The following RAB3C variants were observed in gnomAD, a reference collection of about 807,000 sequenced individuals.
RAB3C encodes the protein RAB3C, member RAS oncogene family.
In RAB3C, 17 loss-of-function variants were observed where a neutral mutation model predicts 26.4. The observed-to-expected ratio is 0.64, with a 90% confidence interval of 0.44 to 0.97. RAB3C has a LOEUF of 0.97. Ranked by LOEUF, RAB3C falls within the 50% of genes least tolerant of loss-of-function variation. The pLI is 0.00. For missense variants in RAB3C, 242 were observed against 281.9 expected (o/e 0.86, Z 1.01); for synonymous variants, 91 against 95.9 (o/e 0.95, Z 0.30).
intron 3 of RAB3C, among the ~76,000 whole-genome samples, chr5:58,790,057 C>A (rs907528889): frequency 6.6e-6 from 1 of 152,200 alleles, no homozygotes; most frequent in Non-Finnish European, 1.5e-5. Context: ...TTCCCCTTAA[C>A]GGCCTCTCCT....
intron 2 of RAB3C, among the ~76,000 whole-genome samples, chr5:58,704,291 G>A (rs1748903132): frequency 6.6e-6 from 1 of 152,148 alleles, no homozygotes; most frequent in Admixed American, 6.5e-5. Flanking sequence ...AAACTACAGA[G>A]CCATGAAATC....
At chr5:58,730,468 C>T (rs1466615774) in intron 3 of RAB3C, among the ~76,000 whole-genome samples, 1 of 151,964 alleles carries the variant, frequency 6.6e-6, no homozygotes, top group Admixed American at 6.6e-5. Context: ...CCTTCTACAA[C>T]AGGAAATAAG....
intron 2 of RAB3C, chr5:58,647,736 T>C (rs964146299): frequency 3.9e-5 from 6 of 152,206 alleles, no homozygotes; most frequent in Admixed American, 3.9e-4. Context: ...TAAAATTTTT[T>C]CAATGACACG....
At chr5:58,598,434 CCTTT>C (rs1300226906) in intron 1 of RAB3C, among the ~76,000 whole-genome samples, 5 of 152,078 alleles carry the variant, frequency 3.3e-5, no homozygotes, top group African/African-American at 9.6e-5. Context: ...CCTGGGGTTC[CCTTT>C]CTTATCTTTT....
At chr5:58,731,515 T>G (rs1212606135) in intron 3 of RAB3C, among the ~76,000 whole-genome samples, 2 of 152,088 alleles carry the variant, frequency 1.3e-5, no homozygotes, top group African/African-American at 4.8e-5. Context: ...AGAAAAAGCT[T>G]TATGTGCTAA....
intron 2 of RAB3C, among the ~76,000 whole-genome samples, chr5:58,624,770 C>A (rs1040198141): frequency 6.6e-6 from 1 of 151,954 alleles, no homozygotes; most frequent in South Asian, 2.1e-4. Context: ...GGCATCGGGG[C>A]AGGAGACTGG....
At chr5:58,605,233 GT>G (rs901752088) in intron 1 of RAB3C, among the ~76,000 whole-genome samples, 5 of 152,172 alleles carry the variant, frequency 3.3e-5, no homozygotes, top group Admixed American at 6.5e-5. Context: ...CAGAATTGCT[GT>G]TTTTTTCTTG....
At chr5:58,809,056 G>A (rs911777765) in intron 3 of RAB3C, among the ~76,000 whole-genome samples, 2 of 152,194 alleles carry the variant, frequency 1.3e-5, no homozygotes, top group African/African-American at 4.8e-5. Context: ...ATAAGCCACA[G>A]CAAGGGCAAA....
At chr5:58,599,953 T>A (rs1417498510) in intron 1 of RAB3C, among the ~76,000 whole-genome samples, 1 of 152,172 alleles carries the variant, frequency 6.6e-6, no homozygotes, top group Non-Finnish European at 1.5e-5. Flanking sequence ...GTTTTTCCAA[T>A]GTTATCTTCT....
At chr5:58,816,180 C>G (rs1743211825) in intron 3 of RAB3C, among the ~76,000 whole-genome samples, 1 of 152,092 alleles carries the variant, frequency 6.6e-6, no homozygotes. Context: ...AGAGCAGGCT[C>G]TGAGACAGGA....
chr5:58,636,337 ATTCCTGAT>A (rs1471241127), intron 2 of RAB3C, among the ~76,000 whole-genome samples: 3 of 152,144 alleles, frequency 2.0e-5, no homozygotes, highest in African/African-American at 7.2e-5. Flanking sequence ...TAGAAACTAC[ATTCCTGAT>A]GTGAATGCTA....
intron 3 of RAB3C, among the ~76,000 whole-genome samples, chr5:58,811,958 G>A (rs1220760816): frequency 6.6e-6 from 1 of 151,976 alleles, no homozygotes; most frequent in East Asian, 1.9e-4. Flanking sequence ...GCATTTTCCT[G>A]ACATGGAGGC....
upstream of RAB3C, chr5:58,582,937 G>A (rs549845096): frequency 3.7e-6 from 3 of 815,118 alleles, no homozygotes; most frequent in East Asian, 6.0e-5. Context: ...CCTGTTTAAT[G>A]GTTTGCTTGC....
intron 3 of RAB3C, among the ~76,000 whole-genome samples, chr5:58,804,564 C>T (rs541220383): frequency 1.3e-5 from 2 of 152,254 alleles, no homozygotes; most frequent in Admixed American, 6.5e-5. Context: ...ACATCTTTAG[C>T]ACCTTATTTG....
At chr5:58,696,188 T>G (rs932441521) in intron 2 of RAB3C, among the ~76,000 whole-genome samples, 1 of 152,184 alleles carries the variant, frequency 6.6e-6, no homozygotes, top group Non-Finnish European at 1.5e-5. Flanking sequence ...ACTCATGTGG[T>G]TTTTATCTTT....
chr5:58,719,999 C>T (rs533187195), intron 2 of RAB3C, among the ~76,000 whole-genome samples: 1 of 151,886 alleles, frequency 6.6e-6, no homozygotes, highest in African/African-American at 2.4e-5. Flanking sequence ...AATAAAGTCA[C>T]CTTCATAGGT....
At chr5:58,733,352 T>C (rs1346734696) in intron 3 of RAB3C, among the ~76,000 whole-genome samples, 2 of 152,200 alleles carry the variant, frequency 1.3e-5, no homozygotes, top group East Asian at 3.9e-4. Flanking sequence ...ACAGGGATGT[T>C]AGATGGCTAT....
intron 4 of RAB3C, among the ~76,000 whole-genome samples, chr5:58,827,254 A>G (rs577402385): frequency 6.6e-6 from 1 of 152,340 alleles, no homozygotes; most frequent in Non-Finnish European, 1.5e-5. Flanking sequence ...TGGCTTCCCA[A>G]GATGGTCTCT....
chr5:58,678,952 T>C (rs1748292368), intron 2 of RAB3C, among the ~76,000 whole-genome samples: 1 of 152,150 alleles, frequency 6.6e-6, no homozygotes, highest in South Asian at 2.1e-4. Flanking sequence ...TTTTTCCAGC[T>C]TAGGGAACAT....
Sources: allele counts gnomAD v4.1 joint callset (sites outside exome capture counted in the v4.1 genomes callset), GRCh38; gene constraint gnomAD v4.1.1; transcripts MANE v1.5; gene names NCBI Gene and HGNC (gene_info 2026-07-23, HGNC 2026-07-21).